Variants in TAF2 observed in about 807,000 individuals in gnomAD.
TAF2 encodes TATA-box binding protein associated factor 2.
TAF2 carries 61 observed loss-of-function variants against 138.5 expected under a neutral mutation model. The ratio of observed to expected loss-of-function variants is 0.44; its 90% CI spans 0.36 to 0.54. TAF2 has a LOEUF of 0.54. Ranked by LOEUF, TAF2 falls within the 20% of genes least tolerant of loss-of-function variation. The pLI, the probability that TAF2 is intolerant of heterozygous loss-of-function variation, is 0.00. For missense variants in TAF2, 1,090 were observed against 1,427.9 expected, an observed-to-expected ratio of 0.76 and a Z score of 3.81; for synonymous variants, 475 against 469.9, an observed-to-expected ratio of 1.01 and a Z score of -0.14.
intron 15 of TAF2, 92 bp downstream of exon 15, chr8:119,785,109 G>A: frequency 1.0e-6 from 1 of 957,256 alleles, no homozygotes. Context: ...CTCATTTGGA[G>A]GACAGTTATA....
chr8:119,817,462 C>G (rs919109927), intron 3 of TAF2, among the ~76,000 whole-genome samples: 1 of 152,220 alleles, frequency 6.6e-6, no homozygotes, highest in African/African-American at 2.4e-5. Flanking sequence ...CCAAAACCCC[C>G]TCTGCCCCCC....
intron 3 of TAF2, among the ~76,000 whole-genome samples, chr8:119,809,360 C>T (rs1412156471): frequency 2.0e-5 from 3 of 152,180 alleles, no homozygotes; most frequent in African/African-American, 7.2e-5. Context: ...TAGGCTTGGC[C>T]TTAAGGGATG....
chr8:119,754,275 G>T (rs139560204), intron 22 of TAF2, among the ~76,000 whole-genome samples: 1 of 152,102 alleles, frequency 6.6e-6, no homozygotes, highest in East Asian at 1.9e-4. Context: ...TAAAATAAAA[G>T]AATTAAAATT....
intron 21 of TAF2, among the ~76,000 whole-genome samples, chr8:119,757,815 G>A (rs1429411242): frequency 2.6e-5 from 4 of 151,950 alleles, no homozygotes; most frequent in East Asian, 1.9e-4. Flanking sequence ...AGAATCGCTT[G>A]AACCCAGGAG....
At chr8:119,748,420 T>C (rs1169221025) in intron 22 of TAF2, among the ~76,000 whole-genome samples, 2 of 150,914 alleles carry the variant, frequency 1.3e-5, no homozygotes, top group African/African-American at 4.9e-5. Flanking sequence ...TCATACTAGA[T>C]AGTGCATTGT....
chr8:119,795,084 C>A (rs1421899621), intron 9 of TAF2, among the ~76,000 whole-genome samples: 3 of 151,254 alleles, frequency 2.0e-5, no homozygotes, highest in African/African-American at 7.3e-5. Flanking sequence ...TAAATGCATT[C>A]AAAGCCTAGC....
intron 22 of TAF2, among the ~76,000 whole-genome samples, chr8:119,752,082 T>A (rs1032064467): frequency 6.6e-6 from 1 of 151,978 alleles, no homozygotes; most frequent in Non-Finnish European, 1.5e-5. Context: ...AAATATAATA[T>A]AAAGAAAGAG....
intron 6 of TAF2, among the ~76,000 whole-genome samples, chr8:119,801,403 G>A (rs1278544567): frequency 6.6e-6 from 1 of 151,030 alleles, no homozygotes; most frequent in African/African-American, 2.4e-5. Context: ...TGAAAAAAGA[G>A]TGAAGGAAGA....
chr8:119,734,532 T>C (rs1563807375), intron 25 of TAF2, among the ~76,000 whole-genome samples: 1 of 152,202 alleles, frequency 6.6e-6, no homozygotes, highest in Non-Finnish European at 1.5e-5. Context: ...TTCCTTTCTA[T>C]ATACTACTCT....
intron 10 of TAF2, 99 bp from the exon 11 acceptor site, chr8:119,791,558 G>A: frequency 8.7e-6 from 12 of 1,381,048 alleles, no homozygotes; most frequent in South Asian, 1.3e-5. Flanking sequence ...AAAAACCTCA[G>A]GAGAATATAT....
intron 25 of TAF2, among the ~76,000 whole-genome samples, chr8:119,741,519 C>T (rs1819600212): frequency 1.3e-5 from 2 of 152,148 alleles, no homozygotes; most frequent in South Asian, 4.1e-4. Context: ...CTTTCTGAAA[C>T]ATATTTTAGG....
intron 17 of TAF2, among the ~76,000 whole-genome samples, chr8:119,779,710 C>T (rs1191494236): frequency 6.6e-6 from 1 of 152,236 alleles, no homozygotes; most frequent in African/African-American, 2.4e-5. Flanking sequence ...GCTGTGCAAC[C>T]TACTTCTTTT....
rs563767082 is a variant in TAF2, at chr8:119,764,319, T to C, written c.2365-1711A>G. Among the ~76,000 whole-genome samples, 32 of 152,334 alleles carry C rather than the reference T, an allele frequency of 2.1e-4. 1 individual carries two copies. In the South Asian group the frequency reaches 6.6e-3, roughly 32 times the overall value. Reference sequence around the variant, plus strand: ...TGCATTTACGCTATCCTTAGTATTCTGAAGTACTAAGTCATATAAAACTAC... The same window carrying C: ...TGCATTTACGCTATCCTTAGTATTCCGAAGTACTAAGTCATATAAAACTAC... On this transcript the variant is annotated intron_variant, in intron 18 of 25. Coordinates refer to ENST00000378164, the MANE Select transcript of TAF2 (RefSeq NM_003184.4).
intron 5 of TAF2, among the ~76,000 whole-genome samples, chr8:119,802,875 G>A (rs747730473): frequency 1.1e-4 from 17 of 152,242 alleles, no homozygotes; most frequent in Non-Finnish European, 1.8e-4. Context: ...TGCATGAGCC[G>A]AGATTGCGCC....
intron 21 of TAF2, among the ~76,000 whole-genome samples, chr8:119,757,383 C>G (rs749447543): frequency 1.3e-5 from 2 of 151,938 alleles, no homozygotes; most frequent in Non-Finnish European, 2.9e-5. Flanking sequence ...AAACACAATT[C>G]CTCTCCTTCA....
rs946344040 is a variant in TAF2, at chr8:119,785,085, A to G, written c.1859+116T>C. 1.2e-5 allele frequency: 9 copies of G among 751,982 alleles called. No homozygotes were observed. The African/African-American group carries it at 1.2e-4, about 10-fold the overall frequency. 46.6% of individuals were successfully genotyped at this position (751,982 alleles called of 1,614,324 possible). A position where few individuals can be genotyped will look rare whatever the true frequency, so the allele number is the denominator to read the frequency against. On this transcript the variant is annotated intron_variant, in intron 15 of 25. Coordinates refer to ENST00000378164, the MANE Select transcript of TAF2 (RefSeq NM_003184.4). ...AACATAGGGTTTCTATTAAATTAAAATAATGTTAAAGCACTCATTTGGAGG... is the reference window on the plus strand; with the variant it reads ...AACATAGGGTTTCTATTAAATTAAAGTAATGTTAAAGCACTCATTTGGAGG...
chr8:119,746,662 T>C, intron 23 of TAF2, 43 bp downstream of exon 23: 2 of 1,582,096 alleles, frequency 1.3e-6, no homozygotes, highest in Non-Finnish European at 1.7e-6. Flanking sequence ...CTAGATCCTC[T>C]ATATAATGAA....
chr8:119,792,149 CTTTTT>C (rs905286521), intron 10 of TAF2, among the ~76,000 whole-genome samples: 6 of 138,762 alleles, frequency 4.3e-5, no homozygotes, highest in Non-Finnish European at 6.2e-5. Context: ...TTCTTTCTTT[CTTTTT>C]TTTTTTTTTT....
intron 10 of TAF2, chr8:119,791,965 G>A (rs1823461014): frequency 6.5e-6 from 1 of 152,804 alleles, no homozygotes; most frequent in South Asian, 2.1e-4. Flanking sequence ...AAAACATTTT[G>A]ACACAATGAA....
Sources: gnomAD v4.1 joint callset for allele counts (sites outside exome capture counted in the v4.1 genomes callset) on GRCh38, gnomAD v4.1.1 for gene constraint, MANE v1.5 for transcripts, NCBI Gene and HGNC (gene_info 2026-07-23, HGNC 2026-07-21) for gene names.